The following USP37 variants were observed in gnomAD, a reference collection of about 807,000 sequenced individuals.
The protein encoded by USP37 is ubiquitin carboxyl-terminal hydrolase 37.
Under a neutral mutation model 124.0 loss-of-function variants are expected in USP37, and 27 were observed. The observed-to-expected ratio is 0.22, with a 90% confidence interval of 0.16 to 0.30. The LOEUF is 0.30. USP37 is among the 10% of genes least tolerant of loss of function. USP37 has a pLI of 1.00. For synonymous variants in USP37, 365 were observed against 388.0 expected, an observed-to-expected ratio of 0.94 and a Z score of 0.70; for missense variants, 889 against 1,140.4, an observed-to-expected ratio of 0.78 and a Z score of 3.17.
chr2:218,555,877 C>G (rs1265341378), intron 4 of USP37, among the ~76,000 whole-genome samples: 1 of 152,116 alleles, frequency 6.6e-6, no homozygotes, highest in Non-Finnish European at 1.5e-5. Context: ...ACTTGAGACT[C>G]TCCCCAGATA....
In USP37 at chr2:218,497,693, G is replaced by A. The variant is rs375901355; in HGVS notation, c.1281+41C>T. The A allele has an allele frequency of 9.3e-6, 15 of 1,608,906 alleles. No homozygotes were observed. The African/African-American group carries it at 1.1e-4, about 11-fold the overall frequency. Reference sequence around the variant, plus strand: ...GCTGGAATTACAGACGTGAGCCACCGTGTCAGGCCTCTGAAACGTTTTAAA... The same window carrying A: ...GCTGGAATTACAGACGTGAGCCACCATGTCAGGCCTCTGAAACGTTTTAAA... On this transcript the variant is annotated intron_variant, in intron 13 of 25. Transcript: ENST00000258399.
chr2:218,503,822 A>G (rs1340356842), intron 11 of USP37, among the ~76,000 whole-genome samples: 2 of 152,286 alleles, frequency 1.3e-5, no homozygotes, highest in East Asian at 3.9e-4. Context: ...GGAAAGAAAG[A>G]AAAGAGAAAA....
chr2:218,506,134 T>C (rs539258370), intron 11 of USP37, among the ~76,000 whole-genome samples: 2 of 151,832 alleles, frequency 1.3e-5, no homozygotes, highest in South Asian at 4.2e-4. Context: ...AAAGTGCTGG[T>C]ATAACAGGCA....
At chr2:218,462,178 T>A (rs1300899673) in intron 22 of USP37, among the ~76,000 whole-genome samples, 5 of 150,190 alleles carry the variant, frequency 3.3e-5, no homozygotes, top group African/African-American at 4.9e-5. Flanking sequence ...AAAAAAAAAA[T>A]TAAAAAATTA....
intron 19 of USP37, 153 bp from the exon 20 acceptor site, chr2:218,475,038 T>C (rs1690890795): frequency 3.3e-6 from 2 of 605,404 alleles, no homozygotes; most frequent in South Asian, 3.4e-5. Flanking sequence ...ATAAACTAAA[T>C]GGTGAGTCTA....
intron 2 of USP37, 60 bp downstream of exon 2, chr2:218,562,613 C>G (rs942880964): frequency 1.3e-5 from 5 of 397,118 alleles, no homozygotes; most frequent in Admixed American, 4.4e-5. Context: ...ACAAAACTGT[C>G]AGTTCCCGCC....
At chr2:218,519,217 G>T (rs1378247398) in intron 10 of USP37, among the ~76,000 whole-genome samples, 1 of 152,156 alleles carries the variant, frequency 6.6e-6, no homozygotes, top group Non-Finnish European at 1.5e-5. Flanking sequence ...ATAGAAATAT[G>T]TTGAGGTGTA....
intron 14 of USP37, among the ~76,000 whole-genome samples, chr2:218,490,587 C>G (rs747779005): frequency 6.6e-6 from 1 of 152,122 alleles, no homozygotes; most frequent in Non-Finnish European, 1.5e-5. Flanking sequence ...CCTACTGTTA[C>G]AGCTAAAGAC....
chr2:218,491,425 A>C (rs951858796), intron 14 of USP37, among the ~76,000 whole-genome samples: 2 of 152,272 alleles, frequency 1.3e-5, no homozygotes, highest in Non-Finnish European at 1.5e-5. Flanking sequence ...AATGAGATAG[A>C]AGAGGAACCT....
At chr2:218,463,797 AG>A (rs1325241906) in intron 21 of USP37, among the ~76,000 whole-genome samples, 3 of 149,742 alleles carry the variant, frequency 2.0e-5, no homozygotes, top group African/African-American at 7.4e-5. Context: ...GGCTTCCCAA[AG>A]TGCTGGGATT....
intron 15 of USP37, among the ~76,000 whole-genome samples, chr2:218,486,839 C>T (rs867330014): frequency 1.3e-5 from 2 of 152,112 alleles, no homozygotes; most frequent in Non-Finnish European, 2.9e-5. Context: ...CATTCTCCTG[C>T]CTCAGCCTCC....
chr2:218,456,137 T>C (rs1171816672), intron 24 of USP37, among the ~76,000 whole-genome samples: 1 of 152,004 alleles, frequency 6.6e-6, no homozygotes, highest in African/African-American at 2.4e-5. Context: ...TCCTCAACAC[T>C]GTGTCTAAAA....
chr2:218,560,303 T>A (rs556857439), intron 3 of USP37, among the ~76,000 whole-genome samples: 2 of 152,236 alleles, frequency 1.3e-5, no homozygotes, highest in Non-Finnish European at 2.9e-5. Flanking sequence ...GGCTAGTATA[T>A]AAAGGAAAAT....
chr2:218,533,151 G>A (rs550523813), intron 9 of USP37, among the ~76,000 whole-genome samples: 3 of 152,006 alleles, frequency 2.0e-5, no homozygotes, highest in South Asian at 2.1e-4. Context: ...ATAAAATACC[G>A]TGAAAGAAGC....
chr2:218,540,434 C>A (rs1457705472), intron 8 of USP37, among the ~76,000 whole-genome samples: 1 of 152,078 alleles, frequency 6.6e-6, no homozygotes. Flanking sequence ...GCCAGGAATT[C>A]AAGACCAGCC....
intron 22 of USP37, among the ~76,000 whole-genome samples, 160 bp downstream of exon 22, chr2:218,463,146 G>A (rs1458860957): frequency 6.6e-6 from 1 of 150,952 alleles, no homozygotes; most frequent in African/African-American, 2.4e-5. Context: ...CAGCCTGGGT[G>A]ACAGAGTGAG....
At chr2:218,511,299 C>T (rs1298016450) in intron 10 of USP37, among the ~76,000 whole-genome samples, 1 of 152,056 alleles carries the variant, frequency 6.6e-6, no homozygotes, top group Non-Finnish European at 1.5e-5. Flanking sequence ...GTGTGTAACA[C>T]CATGCCCAGC....
In USP37 at chr2:218,546,983, C is replaced by T. The variant is rs1055688; in HGVS notation, c.538G>A (p.Ala180Thr). 5 of 1,613,656 alleles carry T rather than the reference C, an allele frequency of 3.1e-6. No individual in the cohort carries two copies. Reference sequence around the variant, plus strand: ...GATGTCAAAGAAGGAATCGTCCGAGCTATTCCACTTCCTGCTACAGTCTTA... The same window carrying T: ...GATGTCAAAGAAGGAATCGTCCGAGTTATTCCACTTCCTGCTACAGTCTTA... ...SIKTVAGSGI[A>T]RTIPSLTSTS... is the part of the protein sequence containing the mutation. The change falls in exon 7 of 26, where the codon GCT becomes ACT. Residue 180 changes from alanine to threonine, a missense_variant. By Grantham distance (58) the Ala-to-Thr change is moderately conservative. Coordinates refer to ENST00000258399, the MANE Select transcript of USP37 (RefSeq NM_020935.3).
At chr2:218,519,900 G>A (rs1212986681) in intron 10 of USP37, among the ~76,000 whole-genome samples, 1 of 151,690 alleles carries the variant, frequency 6.6e-6, no homozygotes, top group Non-Finnish European at 1.5e-5. Flanking sequence ...ACCACACCAG[G>A]CCTCCTGTCA....
Sources: allele counts gnomAD v4.1 joint callset (sites outside exome capture counted in the v4.1 genomes callset), GRCh38; gene constraint gnomAD v4.1.1; transcripts MANE v1.5; gene names NCBI Gene and HGNC (gene_info 2026-07-23, HGNC 2026-07-21).